Variants in DSCAML1 observed in about 807,000 individuals in gnomAD.
The protein encoded by DSCAML1 is cell adhesion molecule DSCAML1.
DSCAML1 carries 38 observed loss-of-function variants against 200.5 expected under a neutral mutation model. The ratio of observed to expected loss-of-function variants is 0.19; its 90% CI spans 0.15 to 0.25. The LOEUF is 0.25. Ranked by LOEUF, DSCAML1 falls within the 10% of genes least tolerant of loss-of-function variation. The pLI is 1.00. For synonymous variants in DSCAML1, 1,215 were observed against 1,165.0 expected (o/e 1.04, Z -0.87); for missense variants, 2,223 against 2,858.8 (o/e 0.78, Z 5.07).
intron 3 of DSCAML1, among the ~76,000 whole-genome samples, chr11:117,656,095 G>A (rs976634359): frequency 6.6e-6 from 1 of 152,222 alleles, no homozygotes; most frequent in Non-Finnish European, 1.5e-5. Flanking sequence ...AAAATTAGCT[G>A]GGCGTGGTGG....
At chr11:117,457,753 C>T (rs571999081) in intron 19 of DSCAML1, among the ~76,000 whole-genome samples, 8 of 152,276 alleles carry the variant, frequency 5.3e-5, no homozygotes, top group South Asian at 4.2e-4. Flanking sequence ...CACTCCCAGC[C>T]GAGTCGTTCC....
At chr11:117,457,740 C>G (rs559849305) in intron 19 of DSCAML1, among the ~76,000 whole-genome samples, 5 of 152,288 alleles carry the variant, frequency 3.3e-5, no homozygotes, top group African/African-American at 9.6e-5. Flanking sequence ...GCTTCTCCCC[C>G]ACCACTCCCA....
chr11:117,797,169 C>T lies in DSCAML1; in HGVS notation c.-90G>A. ...CCCCGCTCAGCGCGCTCCCAGCCGC[C>T]CGCACTCGGCGCCCCGCTCTCTCTG... On this transcript the variant is annotated 5_prime_UTR_variant, in exon 1 of 33. Coordinates refer to ENST00000651296, the MANE Select transcript of DSCAML1 (RefSeq NM_020693.4). 1 of 1,579,352 alleles carries T rather than the reference C, an allele frequency of 6.3e-7. No individual in the cohort carries two copies. Among genetic ancestry groups the T allele is most frequent in the Non-Finnish European group, 8.6e-7 (1 of 1,164,572 alleles).
intron 3 of DSCAML1, among the ~76,000 whole-genome samples, chr11:117,740,511 G>A (rs971710626): frequency 1.3e-5 from 2 of 152,172 alleles, no homozygotes; most frequent in African/African-American, 2.4e-5. Context: ...CACACTGAAA[G>A]TCTTCATCTT....
upstream of DSCAML1, among the ~76,000 whole-genome samples, chr11:117,800,265 C>A (rs533778201): frequency 1.6e-4 from 24 of 152,282 alleles, no homozygotes; most frequent in African/African-American, 5.8e-4. Flanking sequence ...AATGAAACGC[C>A]GGGGAAGAGA....
At chr11:117,442,223 AGTG>A (rs1422002142) in intron 21 of DSCAML1, among the ~76,000 whole-genome samples, 43 of 148,814 alleles carry the variant, frequency 2.9e-4, no homozygotes, top group African/African-American at 1.0e-3. Flanking sequence ...TAGTGTGTCT[AGTG>A]TGTGTGTGCG....
chr11:117,551,488 C>T (rs759831209), intron 3 of DSCAML1, among the ~76,000 whole-genome samples: 2 of 152,154 alleles, frequency 1.3e-5, no homozygotes, highest in Admixed American at 6.5e-5. Context: ...TCTCCCCCAC[C>T]GTGCCTGACT....
chr11:117,807,370 C>T (rs2055715304), intron 1 of DSCAML1, among the ~76,000 whole-genome samples: 1 of 152,220 alleles, frequency 6.6e-6, no homozygotes, highest in African/African-American at 2.4e-5. Context: ...CCCCAAATCC[C>T]AGTACCTACT....
At chr11:117,515,677 A>G (rs1463154389) in intron 8 of DSCAML1, among the ~76,000 whole-genome samples, 1 of 136,330 alleles carries the variant, frequency 7.3e-6, no homozygotes, top group Non-Finnish European at 1.5e-5. Context: ...CTGGAGTGCA[A>G]TGGCTCAATC....
intron 1 of DSCAML1, among the ~76,000 whole-genome samples, chr11:117,806,684 T>G (rs1193539328): frequency 2.0e-5 from 3 of 152,358 alleles, no homozygotes; most frequent in South Asian, 4.1e-4. Context: ...GTTGTCCAAT[T>G]CACGCAGCGT....
At position 117,595,705 on chromosome 11, in the gene DSCAML1, A is replaced by G. The variant is rs149852401; in HGVS notation, c.512-63183T>C. ...CATCACAGTCAGGAAGAGTTTATCAATGTCGCCCATCTCTATCTCCACCTT... is the reference window on the plus strand; with the variant it reads ...CATCACAGTCAGGAAGAGTTTATCAGTGTCGCCCATCTCTATCTCCACCTT... On this transcript the variant is annotated intron_variant, in intron 3 of 32. Coordinates refer to ENST00000651296, the MANE Select transcript of DSCAML1 (RefSeq NM_020693.4). Among the ~76,000 whole-genome samples the G allele has an allele frequency of 2.5e-3, 376 of 152,254 alleles. 4 individuals carry two copies. The highest frequency in any genetic ancestry group is 8.5e-3 in the African/African-American group (352 of 41,536).
intron 3 of DSCAML1, among the ~76,000 whole-genome samples, chr11:117,736,191 T>C (rs559523314): frequency 1.3e-5 from 2 of 152,336 alleles, no homozygotes; most frequent in East Asian, 3.9e-4. Context: ...CATGAGACTG[T>C]GCAGCTATAA....
rs376918279 is a variant in DSCAML1 at position 117,771,546 on chromosome 11, C to T, written c.511+5245G>A. On this transcript the variant is annotated intron_variant, in intron 3 of 32. Transcript: ENST00000651296. ...GCAGATTTCTGTTCCCAGGCAAGTGCAGGAGACAGAGATGGGCCCTCCTCC... is the reference window on the plus strand; with the variant it reads ...GCAGATTTCTGTTCCCAGGCAAGTGTAGGAGACAGAGATGGGCCCTCCTCC... 5.3e-4 allele frequency among the ~76,000 whole-genome samples: 81 copies of T among 152,272 alleles called. No homozygotes were observed. In the East Asian group the frequency reaches 0.011, roughly 20 times the overall value.
Position 117,480,700 on chromosome 11 carries a change from T to G in DSCAML1, c.2657-129A>C. On this transcript the variant is annotated intron_variant, in intron 13 of 32. Transcript: ENST00000651296. The surrounding 1 kb of genome is among the most constrained non-coding windows in gnomAD (Gnocchi z 4.1). ...CTGGCACCCTAGGGTTTGAGCAGGG[T>G]GGGGGCTGGAGGAGGCCAGCAGCCA... 1 of 1,069,864 alleles carries G rather than the reference T, an allele frequency of 9.3e-7. No individual in the cohort carries two copies. Among genetic ancestry groups the G allele is most frequent in the South Asian group, 1.5e-5 (1 of 65,364 alleles). The allele number at this position is 1,069,864 out of a possible 1,614,324, so 66.3% of individuals were successfully genotyped here. A position where few individuals can be genotyped will look rare whatever the true frequency, so the allele number is the denominator to read the frequency against.
At chr11:117,451,982 G>C (rs911399853) in intron 19 of DSCAML1, among the ~76,000 whole-genome samples, 3 of 152,120 alleles carry the variant, frequency 2.0e-5, no homozygotes, top group Non-Finnish European at 2.9e-5. Context: ...AAAATAACTA[G>C]ATACAGCGTC....
intron 3 of DSCAML1, among the ~76,000 whole-genome samples, chr11:117,736,987 C>T (rs566424728): frequency 2.6e-5 from 4 of 152,216 alleles, no homozygotes; most frequent in South Asian, 2.1e-4. Flanking sequence ...AGGGGGCAAA[C>T]GAGACCACAT....
intron 3 of DSCAML1, among the ~76,000 whole-genome samples, chr11:117,714,091 G>A: frequency 6.6e-6 from 1 of 152,198 alleles, no homozygotes; most frequent in Middle Eastern, 3.2e-3. Context: ...ATAATAATTA[G>A]TTAATCCTAA....
At chr11:117,761,175 C>T (rs1220010581) in intron 3 of DSCAML1, among the ~76,000 whole-genome samples, 2 of 152,122 alleles carry the variant, frequency 1.3e-5, no homozygotes, top group African/African-American at 4.8e-5. Context: ...GGTCTCACAC[C>T]TAGACTCACC....
chr11:117,560,552 G>A (rs1286328788), intron 3 of DSCAML1, among the ~76,000 whole-genome samples: 2 of 152,208 alleles, frequency 1.3e-5, no homozygotes, highest in Non-Finnish European at 2.9e-5. Flanking sequence ...TCAGAACCCA[G>A]CCTTTTGACT....
Sources: gnomAD v4.1 joint callset for allele counts (sites outside exome capture counted in the v4.1 genomes callset) on GRCh38, gnomAD v4.1.1 for gene constraint, Gnocchi (gnomAD v3.1) non-coding constraint, MANE v1.5 for transcripts, NCBI Gene and HGNC (gene_info 2026-07-23, HGNC 2026-07-21) for gene names.